Variants in PPP1R12A observed in about 807,000 individuals in gnomAD.
PPP1R12A encodes the protein protein phosphatase 1 regulatory subunit 12A, also known as myosin binding subunit.
PPP1R12A carries 19 observed loss-of-function variants against 139.6 expected under a neutral mutation model. The observed-to-expected ratio is 0.14, with a 90% CI of 0.09 to 0.20. PPP1R12A has a LOEUF of 0.20. Among genes scored for constraint, PPP1R12A ranks in the 10% least tolerant of loss-of-function variants. The pLI, the probability that PPP1R12A is intolerant of heterozygous loss-of-function variation, is 1.00. For missense variants in PPP1R12A, 925 were observed against 1,211.5 expected (o/e 0.76, Z 3.51); for synonymous variants, 427 against 420.6 (o/e 1.02, Z -0.19).
intron 1 of PPP1R12A, among the ~76,000 whole-genome samples, chr12:79,891,529 T>G (rs531258258): frequency 6.6e-6 from 1 of 152,308 alleles, no homozygotes; most frequent in East Asian, 1.9e-4. Flanking sequence ...AATTGAAGAA[T>G]GTAAAATACC....
chr12:79,848,126 T>C (rs374890594), intron 2 of PPP1R12A, among the ~76,000 whole-genome samples: 33 of 152,336 alleles, frequency 2.2e-4, no homozygotes, highest in African/African-American at 7.7e-4. Flanking sequence ...AATTTAAAAA[T>C]ATGCTGTAAA....
intron 14 of PPP1R12A, among the ~76,000 whole-genome samples, chr12:79,805,247 T>A (rs1873682575): frequency 6.6e-6 from 1 of 152,234 alleles, no homozygotes; most frequent in African/African-American, 2.4e-5. Flanking sequence ...CCTGTTTTTG[T>A]CATGTTGCAT....
chr12:79,859,179 C>CA (rs1358807898), intron 2 of PPP1R12A, among the ~76,000 whole-genome samples: 4 of 150,676 alleles, frequency 2.7e-5, no homozygotes, highest in Admixed American at 1.3e-4. Flanking sequence ...ACTAAAAATA[C>CA]AAAAAAAATC....
intron 14 of PPP1R12A, among the ~76,000 whole-genome samples, chr12:79,804,981 G>A (rs930033768): frequency 6.6e-6 from 1 of 152,124 alleles, no homozygotes; most frequent in Non-Finnish European, 1.5e-5. Flanking sequence ...AGAAAGAAGT[G>A]AGCAATCTTT....
intron 1 of PPP1R12A, among the ~76,000 whole-genome samples, chr12:79,902,036 A>G (rs1885691637): frequency 6.6e-6 from 1 of 152,324 alleles, no homozygotes; most frequent in Non-Finnish European, 1.5e-5. Flanking sequence ...GTGTAGCTAG[A>G]ATACAGATTA....
chr12:79,837,383 C>T (rs1878208329), intron 3 of PPP1R12A, among the ~76,000 whole-genome samples: 1 of 151,956 alleles, frequency 6.6e-6, no homozygotes, highest in African/African-American at 2.4e-5. Flanking sequence ...AGCTACTGTT[C>T]AATTATTACT....
intron 19 of PPP1R12A, among the ~76,000 whole-genome samples, chr12:79,793,427 A>G (rs1470845560): frequency 6.6e-6 from 1 of 152,264 alleles, no homozygotes; most frequent in African/African-American, 2.4e-5. Context: ...ACTTTGAAAT[A>G]AAATCTACAG....
chr12:79,900,950 T>C (rs1342223959), intron 1 of PPP1R12A, among the ~76,000 whole-genome samples: 4 of 152,188 alleles, frequency 2.6e-5, no homozygotes, highest in African/African-American at 9.7e-5. Context: ...AGAGAATCCT[T>C]CATACCATTA....
At chr12:79,851,002 C>T (rs1040112500) in intron 2 of PPP1R12A, among the ~76,000 whole-genome samples, 3 of 152,128 alleles carry the variant, frequency 2.0e-5, no homozygotes, top group Non-Finnish European at 4.4e-5. Flanking sequence ...TCAGGTAGTT[C>T]TTCATAGCAG....
intron 2 of PPP1R12A, among the ~76,000 whole-genome samples, chr12:79,862,194 T>C (rs958916876): frequency 3.3e-5 from 5 of 152,216 alleles, no homozygotes; most frequent in African/African-American, 1.2e-4. Context: ...GGAGTGGACC[T>C]CCAGCAAACT....
intron 1 of PPP1R12A, among the ~76,000 whole-genome samples, chr12:79,890,988 A>G (rs997871614): frequency 6.6e-6 from 1 of 150,768 alleles, no homozygotes; most frequent in African/African-American, 2.4e-5. Context: ...CCAATTGAGA[A>G]AAAGGGGAAA....
At chr12:79,855,232 C>A (rs1880505071) in intron 2 of PPP1R12A, among the ~76,000 whole-genome samples, 1 of 152,082 alleles carries the variant, frequency 6.6e-6, no homozygotes, top group Non-Finnish European at 1.5e-5. Context: ...TCGTGATCCG[C>A]CCGCCTCAGC....
chr12:79,805,074 TAAATG>T (rs1195995257), intron 14 of PPP1R12A, among the ~76,000 whole-genome samples: 1 of 152,222 alleles, frequency 6.6e-6, no homozygotes, highest in Non-Finnish European at 1.5e-5. Context: ...GAGATAAAAT[TAAATG>T]AATGTATTCA....
At chr12:79,789,643 T>C (rs1339864228) in intron 20 of PPP1R12A, 1 of 454,298 alleles carries the variant, frequency 2.2e-6, no homozygotes, top group Admixed American at 2.4e-5. Context: ...TTCAATAGAA[T>C]CATCAGTAGA....
chr12:79,885,706 A>C (rs911812017), intron 1 of PPP1R12A, among the ~76,000 whole-genome samples: 1 of 152,228 alleles, frequency 6.6e-6, no homozygotes, highest in Non-Finnish European at 1.5e-5. Context: ...AATTTAGGTG[A>C]AAATGAAATT....
At chr12:79,833,814 G>A (rs543495397) in intron 3 of PPP1R12A, among the ~76,000 whole-genome samples, 3 of 143,108 alleles carry the variant, frequency 2.1e-5, no homozygotes, top group Non-Finnish European at 4.5e-5. Context: ...TCCAGCCTGG[G>A]CAACGGAGTG....
chr12:79,793,302 T>C (rs924019908), intron 19 of PPP1R12A, among the ~76,000 whole-genome samples: 1 of 152,172 alleles, frequency 6.6e-6, no homozygotes, highest in Non-Finnish European at 1.5e-5. Context: ...CCTTCATCAG[T>C]ACTGAGAGGA....
At chr12:79,862,076 C>A (rs1419784671) in intron 2 of PPP1R12A, among the ~76,000 whole-genome samples, 2 of 152,070 alleles carry the variant, frequency 1.3e-5, no homozygotes, top group Non-Finnish European at 2.9e-5. Flanking sequence ...AAACAGACAC[C>A]TCATACAGGG....
chr12:79,851,536 A>T (rs183507432), intron 2 of PPP1R12A, among the ~76,000 whole-genome samples: 19 of 152,276 alleles, frequency 1.2e-4, no homozygotes, highest in Non-Finnish European at 2.5e-4. Flanking sequence ...CCCCTCTGGT[A>T]TAGTTTCTAA....
Sources: allele counts gnomAD v4.1 joint callset (sites outside exome capture counted in the v4.1 genomes callset), GRCh38; gene constraint gnomAD v4.1.1; transcripts MANE v1.5; gene names NCBI Gene and HGNC (gene_info 2026-07-23, HGNC 2026-07-21).